CCDC38: variants seen among roughly 807,000 people sequenced by gnomAD.
CCDC38 encodes coiled-coil domain-containing protein 38.
Under a neutral mutation model 72.8 loss-of-function variants are expected in CCDC38, and 69 were observed. The ratio of observed to expected loss-of-function variants is 0.95; its 90% CI spans 0.78 to 1.16. The LOEUF is 1.16. Ranked by LOEUF, CCDC38 falls within the 50% of genes most tolerant of loss-of-function variation. The pLI, the probability that CCDC38 is intolerant of heterozygous loss-of-function variation, is 0.00. For synonymous variants in CCDC38, 201 were observed against 213.2 expected (o/e 0.94, Z 0.50); for missense variants, 626 against 638.9 (o/e 0.98, Z 0.22).
At chr12:95,928,602 G>A (rs1189191801) in intron 2 of CCDC38, among the ~76,000 whole-genome samples, 2 of 152,222 alleles carry the variant, frequency 1.3e-5, no homozygotes, top group African/African-American at 2.4e-5. Context: ...TCCTTTGGAG[G>A]AGGAGAGGCG....
intron 8 of CCDC38, among the ~76,000 whole-genome samples, chr12:95,891,335 G>A (rs2079824666): frequency 6.6e-6 from 1 of 151,966 alleles, no homozygotes; most frequent in Non-Finnish European, 1.5e-5. Context: ...GAACCGAGAT[G>A]AAATTTTTTA....
chr12:95,919,091 A>T, intron 2 of CCDC38, 115 bp from the exon 3 acceptor site: 1 of 668,062 alleles, frequency 1.5e-6, no homozygotes, highest in Non-Finnish European at 2.6e-6. Flanking sequence ...ATCTCTGAGA[A>T]GGTAGTGTTA....
At chr12:95,917,934 T>A (rs1056126184) in intron 3 of CCDC38, among the ~76,000 whole-genome samples, 6 of 151,200 alleles carry the variant, frequency 4.0e-5, no homozygotes, top group Non-Finnish European at 7.4e-5. Context: ...AGGAAAGGGA[T>A]CTCCCCAGTA....
At chr12:95,902,935 A>G (rs940950546) in intron 5 of CCDC38, among the ~76,000 whole-genome samples, 1 of 152,128 alleles carries the variant, frequency 6.6e-6, no homozygotes, top group African/African-American at 2.4e-5. Context: ...TGGGATTTGT[A>G]CTGAGATTGC....
At chr12:95,906,994 G>A (rs1592782635) in intron 4 of CCDC38, among the ~76,000 whole-genome samples, 1 of 151,230 alleles carries the variant, frequency 6.6e-6, no homozygotes, top group Admixed American at 6.6e-5. Context: ...TTGTGTCCCT[G>A]GGTACTTGAG....
chr12:95,924,318 T>C (rs1193383118), intron 2 of CCDC38, among the ~76,000 whole-genome samples: 1 of 147,584 alleles, frequency 6.8e-6, no homozygotes, highest in Non-Finnish European at 1.5e-5. Flanking sequence ...TTTTCATGTG[T>C]TTTTTGGCTG....
chr12:95,918,083 C>T (rs1344193121), intron 3 of CCDC38, among the ~76,000 whole-genome samples: 1 of 152,116 alleles, frequency 6.6e-6, no homozygotes, highest in Non-Finnish European at 1.5e-5. Context: ...TAGATAATTT[C>T]CTTATCTTAA....
intron 8 of CCDC38, among the ~76,000 whole-genome samples, chr12:95,893,428 TCC>T (rs2079851362): frequency 2.0e-5 from 1 of 49,654 alleles, no homozygotes; most frequent in Admixed American, 2.4e-4. Flanking sequence ...CCTCCCTCCC[TCC>T]CTCCCTCCCT....
chr12:95,906,568 C>T (rs771663165), intron 4 of CCDC38, 117 bp from the exon 5 acceptor site: 9 of 671,056 alleles, frequency 1.3e-5, no homozygotes, highest in Admixed American at 9.5e-5. Context: ...TTTAAAAATA[C>T]TATATCTTGA....
intron 5 of CCDC38, among the ~76,000 whole-genome samples, chr12:95,901,981 A>G (rs1013934787): frequency 1.3e-5 from 2 of 152,204 alleles, no homozygotes; most frequent in African/African-American, 2.4e-5. Context: ...CTATAAATAA[A>G]AAAATAAAGA....
chr12:95,938,288 T>A (rs185952313), intron 1 of CCDC38, among the ~76,000 whole-genome samples: 10 of 152,298 alleles, frequency 6.6e-5, no homozygotes, highest in Non-Finnish European at 5.9e-5. Context: ...GTATTTGGAA[T>A]TTGGATGGCT....
At chr12:95,918,227 G>C (rs761368927) in intron 3 of CCDC38, among the ~76,000 whole-genome samples, 15 of 152,164 alleles carry the variant, frequency 9.9e-5, no homozygotes, top group Admixed American at 9.8e-4. Context: ...GGCACAGTGG[G>C]AAAATCAGCC....
At chr12:95,886,907 G>A (rs539737243) in intron 10 of CCDC38, among the ~76,000 whole-genome samples, 38 of 152,308 alleles carry the variant, frequency 2.5e-4, no homozygotes, top group African/African-American at 8.4e-4. Flanking sequence ...ACATGCGGCC[G>A]GGCGTGGTGG....
chr12:95,896,202 T>C (rs1305155842), intron 7 of CCDC38, among the ~76,000 whole-genome samples: 1 of 151,966 alleles, frequency 6.6e-6, no homozygotes, highest in Non-Finnish European at 1.5e-5. Flanking sequence ...TTAAAATAGG[T>C]ACTATTATTC....
At chr12:95,917,315 A>G in intron 3 of CCDC38, 21 bp from the exon 4 acceptor site, 1 of 1,572,922 alleles carries the variant, frequency 6.4e-7, no homozygotes, top group Non-Finnish European at 8.6e-7. Flanking sequence ...GGAAAAGTTG[A>G]AAAGAATTTT....
chr12:95,892,240 C>T (rs1370534557), intron 8 of CCDC38, among the ~76,000 whole-genome samples: 25 of 150,632 alleles, frequency 1.7e-4, no homozygotes, highest in Admixed American at 1.7e-3. Flanking sequence ...TGCAAATCAT[C>T]CCCTTTGATT....
intron 5 of CCDC38, among the ~76,000 whole-genome samples, chr12:95,900,766 C>CA (rs35927244): frequency 6.6e-6 from 1 of 151,962 alleles, no homozygotes; most frequent in Non-Finnish European, 1.5e-5. Flanking sequence ...TATATGTTCT[C>CA]AAAAAAATCC....
chr12:95,940,561 C>G (rs944911948), intron 1 of CCDC38, among the ~76,000 whole-genome samples: 1 of 152,084 alleles, frequency 6.6e-6, no homozygotes, highest in Non-Finnish European at 1.5e-5. Context: ...TCTCTCAGAC[C>G]CAATGCCCTT....
intron 10 of CCDC38, 26 bp from the exon 11 acceptor site, chr12:95,881,580 A>C: frequency 6.3e-7 from 1 of 1,589,606 alleles, no homozygotes; most frequent in East Asian, 2.3e-5. Flanking sequence ...GAAAAAGAAA[A>C]TGTCTGATTT....
Sources: gnomAD v4.1 joint callset for allele counts (sites outside exome capture counted in the v4.1 genomes callset) on GRCh38, gnomAD v4.1.1 for gene constraint, MANE v1.5 for transcripts, NCBI Gene and HGNC (gene_info 2026-07-23, HGNC 2026-07-21) for gene names.